The following CREB5 variants were observed in gnomAD, a reference collection of about 807,000 sequenced individuals.
The protein encoded by CREB5 is cyclic AMP-responsive element-binding protein 5.
In CREB5, 19 loss-of-function variants were observed where a neutral mutation model predicts 57.1. The ratio of observed to expected loss-of-function variants is 0.33; its 90% CI spans 0.23 to 0.49. The LOEUF is 0.49. Among genes scored for constraint, CREB5 ranks in the 20% least tolerant of loss-of-function variants. CREB5 has a pLI of 0.99. For missense variants in CREB5, 579 were observed against 671.6 expected (o/e 0.86, Z 1.52); for synonymous variants, 238 against 238.3 (o/e 1.00, Z 0.01).
intron 4 of CREB5, among the ~76,000 whole-genome samples, chr7:28,521,644 G>A (rs984616876): frequency 3.3e-5 from 5 of 152,108 alleles, no homozygotes; most frequent in Admixed American, 2.6e-4. Context: ...TTTTAAAACA[G>A]CAAATAGCTC....
At chr7:28,770,556 T>G (rs4140851) in intron 7 of CREB5, among the ~76,000 whole-genome samples, 102,512 of 152,072 alleles carry the variant, frequency 0.67, 34,962 homozygotes, top group East Asian at 0.84. Context: ...CTTAATGTTT[T>G]GGTTTTCATG....
intron 7 of CREB5, among the ~76,000 whole-genome samples, chr7:28,794,371 C>A (rs1176419851): frequency 1.3e-5 from 2 of 152,204 alleles, no homozygotes; most frequent in Non-Finnish European, 1.5e-5. Flanking sequence ...TAGGCCACTG[C>A]TTCAAAGACA....
chr7:28,491,206 A>G, intron 2 of CREB5: 1 of 985,476 alleles, frequency 1.0e-6, no homozygotes, highest in Non-Finnish European at 1.2e-6. Flanking sequence ...TTTTTTAAAA[A>G]TTAAAGGATA....
chr7:28,348,438 ACACACAG>A (rs1786119384), intron 1 of CREB5, among the ~76,000 whole-genome samples: 1 of 150,680 alleles, frequency 6.6e-6, no homozygotes, highest in Non-Finnish European at 1.5e-5. Flanking sequence ...ACACACACAC[ACACACAG>A]ACACCTTGCA....
intron 7 of CREB5, among the ~76,000 whole-genome samples, chr7:28,763,418 A>G (rs2128771048): frequency 6.6e-6 from 1 of 152,274 alleles, no homozygotes; most frequent in African/African-American, 2.4e-5. Context: ...TTGGGGAGAA[A>G]ATTTGAGTCT....
chr7:28,594,716 C>T (rs1796637397), intron 5 of CREB5, among the ~76,000 whole-genome samples: 1 of 152,084 alleles, frequency 6.6e-6, no homozygotes, highest in Non-Finnish European at 1.5e-5. Flanking sequence ...AGATAAAAAT[C>T]CATTTTCTCT....
At chr7:28,758,062 A>G (rs952568742) in intron 7 of CREB5, among the ~76,000 whole-genome samples, 1 of 152,324 alleles carries the variant, frequency 6.6e-6, no homozygotes, top group African/African-American at 2.4e-5. Flanking sequence ...AGTGCAGAAC[A>G]CAGTAAGAGT....
At chr7:28,473,932 C>A (rs538774221) in intron 1 of CREB5, among the ~76,000 whole-genome samples, 1 of 152,160 alleles carries the variant, frequency 6.6e-6, no homozygotes, top group East Asian at 1.9e-4. Flanking sequence ...GGCTTTTGTG[C>A]ACTGTGGAAT....
At chr7:28,354,806 G>C (rs753472217) in intron 1 of CREB5, among the ~76,000 whole-genome samples, 3 of 152,198 alleles carry the variant, frequency 2.0e-5, no homozygotes, top group Non-Finnish European at 4.4e-5. Context: ...CTGGGAGAGA[G>C]TTTAACTTGT....
At chr7:28,339,159 C>T (rs1291904840) in intron 1 of CREB5, among the ~76,000 whole-genome samples, 1 of 152,016 alleles carries the variant, frequency 6.6e-6, no homozygotes, top group Non-Finnish European at 1.5e-5. Context: ...TCATGTTTTC[C>T]TGAATGGTCT....
intron 7 of CREB5, among the ~76,000 whole-genome samples, chr7:28,797,907 C>A (rs1808139398): frequency 6.6e-6 from 1 of 152,008 alleles, no homozygotes; most frequent in South Asian, 2.1e-4. Context: ...ACTGACTGGA[C>A]CCTTCAGAAG....
rs369456974 is a variant in CREB5 at position 28,628,509 on chromosome 7, G to C, written c.464+57972G>C. ...GGCTTCTCTGGAGCCCAGGGGACAA[G>C]ACATAGGAAATCTGCATTTCAGTGG... is the stretch of plus-strand genomic sequence containing the variant. On this transcript the variant is annotated intron_variant, in intron 5 of 10. Transcript: ENST00000357727. 5.3e-5 allele frequency among the ~76,000 whole-genome samples: 8 copies of C among 152,234 alleles called. No individual in the cohort carries two copies. The East Asian group carries it at 1.6e-3, about 30-fold the overall frequency.
chr7:28,359,815 G>A (rs983148906), intron 1 of CREB5, among the ~76,000 whole-genome samples: 1 of 152,228 alleles, frequency 6.6e-6, no homozygotes, highest in Non-Finnish European at 1.5e-5. Flanking sequence ...ATACTGGTAA[G>A]GCACATATCT....
At chr7:28,413,529 G>A (rs567386906) in intron 1 of CREB5, among the ~76,000 whole-genome samples, 139 of 152,010 alleles carry the variant, frequency 9.1e-4, no homozygotes, top group African/African-American at 3.2e-3. Flanking sequence ...TGATTATAGT[G>A]GTTTTTATTT....
At chr7:28,423,275 C>G (rs2128011212) in intron 1 of CREB5, among the ~76,000 whole-genome samples, 1 of 152,294 alleles carries the variant, frequency 6.6e-6, no homozygotes, top group South Asian at 2.1e-4. Context: ...TCATCCCTTC[C>G]TTCATTAAAT....
chr7:28,784,803 A>G (rs1807216581), intron 7 of CREB5, among the ~76,000 whole-genome samples: 1 of 152,118 alleles, frequency 6.6e-6, no homozygotes, highest in South Asian at 2.1e-4. Flanking sequence ...CTAATGCCAA[A>G]CAGCTTTTGG....
chr7:28,607,735 C>CTGTGTGTGTGTGTG (rs573980917), intron 5 of CREB5, among the ~76,000 whole-genome samples: 1 of 129,194 alleles, frequency 7.7e-6, no homozygotes, highest in African/African-American at 3.0e-5. Flanking sequence ...GCCCACAGGG[C>CTGTGTGTGTGTGTG]TGTGTGTGTG....
intron 3 of CREB5, among the ~76,000 whole-genome samples, chr7:28,497,573 A>G (rs1792109017): frequency 6.6e-6 from 1 of 152,182 alleles, no homozygotes; most frequent in Non-Finnish European, 1.5e-5. Context: ...TCCTAATGAA[A>G]TGAAGTGCTA....
intron 7 of CREB5, among the ~76,000 whole-genome samples, chr7:28,777,714 T>C (rs1483339284): frequency 6.6e-6 from 1 of 152,218 alleles, no homozygotes; most frequent in African/African-American, 2.4e-5. Flanking sequence ...TAAATATAAA[T>C]GTTCACAATA....
Sources: allele counts gnomAD v4.1 joint callset (sites outside exome capture counted in the v4.1 genomes callset), GRCh38; gene constraint gnomAD v4.1.1; transcripts MANE v1.5; gene names NCBI Gene and HGNC (gene_info 2026-07-23, HGNC 2026-07-21).